The following PLXDC2 variants were observed in gnomAD, a reference collection of about 807,000 sequenced individuals.
PLXDC2 encodes the protein plexin domain-containing protein 2.
PLXDC2 carries 40 observed loss-of-function variants against 68.9 expected under a neutral mutation model. That is an observed-to-expected ratio of 0.58 (90% confidence interval 0.45 to 0.76). PLXDC2 has a LOEUF of 0.76. PLXDC2 is among the 30% of genes least tolerant of loss of function. The pLI is 0.00. For synonymous variants in PLXDC2, 243 were observed against 234.2 expected, an observed-to-expected ratio of 1.04 and a Z score of -0.34; for missense variants, 644 against 661.9, an observed-to-expected ratio of 0.97 and a Z score of 0.30.
intron 9 of PLXDC2, among the ~76,000 whole-genome samples, chr10:20,190,555 C>A (rs1187212383): frequency 2.0e-5 from 3 of 150,930 alleles, no homozygotes; most frequent in Non-Finnish European, 3.0e-5. Flanking sequence ...ATGTAACAAA[C>A]CTGCACGTTG....
chr10:20,216,971 G>A (rs921115902), intron 10 of PLXDC2, among the ~76,000 whole-genome samples: 2 of 152,182 alleles, frequency 1.3e-5, no homozygotes, highest in Admixed American at 1.3e-4. Flanking sequence ...GAAGTAGTAT[G>A]GGGAAGTTAG....
At chr10:20,218,516 T>C (rs1001301661) in intron 11 of PLXDC2, among the ~76,000 whole-genome samples, 22 of 152,112 alleles carry the variant, frequency 1.4e-4, no homozygotes, top group Admixed American at 1.3e-4. Context: ...CCCTACCCTT[T>C]AGAGTGAAAC....
At chr10:20,221,535 C>A (rs559038216) in intron 12 of PLXDC2, among the ~76,000 whole-genome samples, 48 of 152,266 alleles carry the variant, frequency 3.2e-4, no homozygotes, top group African/African-American at 1.1e-3. Context: ...AACAGACCAG[C>A]CTGACTAGTG....
intron 2 of PLXDC2, among the ~76,000 whole-genome samples, chr10:20,028,842 T>G (rs1026305979): frequency 2.0e-5 from 3 of 152,224 alleles, no homozygotes; most frequent in African/African-American, 7.2e-5. Context: ...ATTTTCTAGA[T>G]TGTTCCTTCT....
intron 9 of PLXDC2, among the ~76,000 whole-genome samples, chr10:20,193,838 C>T (rs1834801845): frequency 6.6e-6 from 1 of 151,992 alleles, no homozygotes; most frequent in African/African-American, 2.4e-5. Context: ...TACACATGAG[C>T]TGCATAACAG....
At chr10:20,125,966 T>C (rs1171003701) in intron 4 of PLXDC2, among the ~76,000 whole-genome samples, 1 of 148,636 alleles carries the variant, frequency 6.7e-6, no homozygotes, top group Non-Finnish European at 1.5e-5. Context: ...TTTACAATAA[T>C]ACATATTTTA....
At chr10:20,074,629 G>C (rs903430543) in intron 4 of PLXDC2, among the ~76,000 whole-genome samples, 1 of 151,704 alleles carries the variant, frequency 6.6e-6, no homozygotes, top group African/African-American at 2.4e-5. Context: ...TTTTGTTCTG[G>C]CTTTCAAATG....
chr10:19,897,229 TTTTTTTTTTG>T (rs369722872), intron 1 of PLXDC2, among the ~76,000 whole-genome samples: 9 of 140,212 alleles, frequency 6.4e-5, no homozygotes, highest in South Asian at 2.4e-4. Flanking sequence ...TCCCTTCTCT[TTTTTTTTTTG>T]TTTTTTTTTG....
intron 1 of PLXDC2, among the ~76,000 whole-genome samples, chr10:19,994,996 G>A (rs990544598): frequency 2.6e-5 from 4 of 152,022 alleles, no homozygotes; most frequent in South Asian, 4.1e-4. Flanking sequence ...CACCCACCTC[G>A]GCTCCCAAAG....
intron 1 of PLXDC2, among the ~76,000 whole-genome samples, chr10:19,892,653 T>C (rs1837985186): frequency 6.6e-6 from 1 of 152,194 alleles, no homozygotes; most frequent in Non-Finnish European, 1.5e-5. Flanking sequence ...TAGAATTGTA[T>C]TTAAAGGAAA....
chr10:19,917,780 C>A, intron 1 of PLXDC2, among the ~76,000 whole-genome samples: 1 of 152,254 alleles, frequency 6.6e-6, no homozygotes, highest in East Asian at 1.9e-4. Flanking sequence ...CATCTGAATG[C>A]ATTACGATAA....
chr10:20,089,178 G>A (rs1471283242), intron 4 of PLXDC2, among the ~76,000 whole-genome samples: 1 of 60,452 alleles, frequency 1.7e-5, no homozygotes, highest in Non-Finnish European at 2.6e-5. Context: ...ACGTGTGTGT[G>A]TGTGTGTGTG....
intron 1 of PLXDC2, among the ~76,000 whole-genome samples, chr10:19,874,103 C>G (rs1221878068): frequency 6.6e-6 from 1 of 152,122 alleles, no homozygotes; most frequent in Non-Finnish European, 1.5e-5. Context: ...AGTTTTCTAG[C>G]AAAGTTCAGC....
intron 1 of PLXDC2, among the ~76,000 whole-genome samples, chr10:19,819,167 T>C (rs1008221437): frequency 2.6e-5 from 4 of 152,158 alleles, no homozygotes; most frequent in Admixed American, 6.5e-5. Flanking sequence ...GTGGGAAATA[T>C]AAAATACTTA....
At chr10:20,046,700 G>T (rs912794692) in intron 2 of PLXDC2, among the ~76,000 whole-genome samples, 169 bp from the exon 3 acceptor site, 2 of 152,046 alleles carry the variant, frequency 1.3e-5, no homozygotes, top group Non-Finnish European at 2.9e-5. Context: ...TCGTATGTGT[G>T]TGTGTGCACA....
chr10:19,860,969 A>G (rs531970879), intron 1 of PLXDC2, among the ~76,000 whole-genome samples: 3 of 150,302 alleles, frequency 2.0e-5, no homozygotes, highest in African/African-American at 7.3e-5. Flanking sequence ...GCCCCAAGAC[A>G]CTTAATTACT....
chr10:20,121,059 C>T (rs1205531634), intron 4 of PLXDC2, among the ~76,000 whole-genome samples: 14 of 152,034 alleles, frequency 9.2e-5, no homozygotes, highest in Non-Finnish European at 2.9e-5. Flanking sequence ...GATTGAAGTC[C>T]GGGCCAGGAA....
intron 1 of PLXDC2, among the ~76,000 whole-genome samples, chr10:19,939,952 G>A (rs1167954526): frequency 2.6e-5 from 4 of 151,894 alleles, no homozygotes; most frequent in Admixed American, 2.6e-4. Flanking sequence ...AGATGTCAAA[G>A]AAGGGAACGA....
rs1202941667 is a variant in PLXDC2, at chr10:19,879,435, CTA to C, written c.112+62246_112+62247del. Among the ~76,000 whole-genome samples the C allele has an allele frequency of 3.3e-5, 5 of 152,104 alleles. No individual in the cohort carries two copies. The South Asian group carries it at 6.2e-4, about 19-fold the overall frequency. On this transcript the variant is annotated intron_variant, in intron 1 of 13. Coordinates refer to ENST00000377252, the MANE Select transcript of PLXDC2 (RefSeq NM_032812.9). ...CTGGCAGTCAGTGAGCTTTATATCT[CTA>C]TGTGTGACGGTGCAAATCAAATTGT...
Sources: gnomAD v4.1 joint callset for allele counts (sites outside exome capture counted in the v4.1 genomes callset) on GRCh38, gnomAD v4.1.1 for gene constraint, MANE v1.5 for transcripts, NCBI Gene and HGNC (gene_info 2026-07-23, HGNC 2026-07-21) for gene names.